The following KPNA1 variants were observed in gnomAD, a reference collection of about 807,000 sequenced individuals.
KPNA1 encodes importin subunit alpha-5.
Under a neutral mutation model 70.5 loss-of-function variants are expected in KPNA1, and 10 were observed. The observed-to-expected ratio is 0.14, with a 90% confidence interval of 0.09 to 0.24. The LOEUF is 0.24. Among genes scored for constraint, KPNA1 ranks in the 10% least tolerant of loss-of-function variants. The pLI is 1.00. For synonymous variants in KPNA1, 192 were observed against 221.9 expected (o/e 0.87, Z 1.20); for missense variants, 397 against 637.9 (o/e 0.62, Z 4.07).
chr3:122,484,275 C>A (rs1428094907), intron 2 of KPNA1, among the ~76,000 whole-genome samples: 1 of 152,180 alleles, frequency 6.6e-6, no homozygotes, highest in Non-Finnish European at 1.5e-5. Flanking sequence ...TTACAATACA[C>A]AGCTTTTTAG....
intron 2 of KPNA1, among the ~76,000 whole-genome samples, chr3:122,473,999 T>C (rs6790051): frequency 0.14 from 21,204 of 152,116 alleles, 1,583 homozygotes; most frequent in East Asian, 0.32. Context: ...TAAGCAATTA[T>C]AGCAAGGTTA....
intron 12 of KPNA1, among the ~76,000 whole-genome samples, chr3:122,431,083 C>T (rs1480708410): frequency 1.3e-5 from 2 of 152,150 alleles, no homozygotes; most frequent in Non-Finnish European, 2.9e-5. Context: ...TAATCCTTAT[C>T]CTTCATTAAG....
chr3:122,498,443 T>C (rs1219295110), intron 1 of KPNA1, among the ~76,000 whole-genome samples: 1 of 152,222 alleles, frequency 6.6e-6, no homozygotes, highest in Admixed American at 6.5e-5. Context: ...CTTCCCAGCA[T>C]CCAGAACTGT....
At chr3:122,437,040 A>G in intron 11 of KPNA1, 130 bp downstream of exon 11, 1 of 845,618 alleles carries the variant, frequency 1.2e-6, no homozygotes. Context: ...TCAGCCTCCC[A>G]GAGTGCTGGG....
chr3:122,460,265 T>C (rs1025844360), intron 5 of KPNA1: 1 of 984,780 alleles, frequency 1.0e-6, no homozygotes, highest in Non-Finnish European at 1.2e-6. Flanking sequence ...CCCAACTTTA[T>C]CCAGGGGGAA....
At chr3:122,492,940 C>T (rs1348273215) in intron 2 of KPNA1, among the ~76,000 whole-genome samples, 1 of 152,162 alleles carries the variant, frequency 6.6e-6, no homozygotes, top group East Asian at 1.9e-4. Flanking sequence ...TATACATATG[C>T]TTTATCTTGT....
intron 2 of KPNA1, among the ~76,000 whole-genome samples, chr3:122,476,866 A>AAAAAAAAAAAAAAAAAAAAC: frequency 6.7e-6 from 1 of 148,412 alleles, no homozygotes; most frequent in Non-Finnish European, 1.5e-5. Flanking sequence ...TTCCACAAAA[A>AAAAAAAAAAAAAAAAAAAAC]AAAAAAAAAA....
Position 122,449,618 on chromosome 3 carries a change from C to T in KPNA1, c.873G>A (p.Ala291=), listed in dbSNP as rs75790575. The part of the protein sequence containing the change: ...LSDGPNDKIQ[A]VIDAGVCRRL... Reference sequence around the variant, plus strand: ...TCCTACATACTCCCGCATCGATGACCGCTTGAATTTTATCATTGGGTCCAT... The same window carrying T: ...TCCTACATACTCCCGCATCGATGACTGCTTGAATTTTATCATTGGGTCCAT... The change falls in exon 9 of 14, where the codon GCG becomes GCA. Residue 291 remains alanine (A), a synonymous_variant. Coordinates refer to ENST00000344337, the MANE Select transcript of KPNA1 (RefSeq NM_002264.4). 21 of 1,613,756 alleles carry T rather than the reference C, an allele frequency of 1.3e-5. No homozygotes were observed. Among genetic ancestry groups the T allele is most frequent in the Middle Eastern group, 1.6e-4 (1 of 6,084 alleles).
chr3:122,453,992 C>A lies in KPNA1; in HGVS notation c.442G>T (p.Ala148Ser). ...KENCTLQFES[A>S]WVLTNIASGN... is the part of the protein sequence containing the mutation. ...GAAGCAATATTTGTCAGTACCCAAG[C>A]TGATTCAAACTATAAAGATAAAAAT... The change falls in exon 6 of 14, where the codon GCT becomes TCT. Residue 148 changes from alanine (A) to serine (S), a missense_variant. By Grantham distance (99) the Ala-to-Ser change is moderately conservative. Transcript: ENST00000344337. 6.3e-7 allele frequency: 1 copy of A among 1,593,342 alleles called. No individual in the cohort carries two copies. The highest frequency in any genetic ancestry group is 8.6e-7 in the Non-Finnish European group (1 of 1,168,522).
chr3:122,484,457 G>C (rs959034105), intron 2 of KPNA1, among the ~76,000 whole-genome samples: 4 of 152,062 alleles, frequency 2.6e-5, no homozygotes, highest in African/African-American at 9.7e-5. Flanking sequence ...GACCAGCCTG[G>C]CCAATATGGT....
intron 5 of KPNA1, among the ~76,000 whole-genome samples, chr3:122,457,394 GAA>G (rs34857537): frequency 8.5e-6 from 1 of 118,004 alleles, no homozygotes; most frequent in African/African-American, 2.9e-5. Flanking sequence ...ATTAACCTGG[GAA>G]AAAAAAAAAT....
chr3:122,472,593 T>C (rs758866317), intron 2 of KPNA1, among the ~76,000 whole-genome samples: 6 of 152,050 alleles, frequency 3.9e-5, no homozygotes, highest in Non-Finnish European at 8.8e-5. Context: ...CAGATATCAA[T>C]GTAACTGAAA....
At chr3:122,438,367 T>C (rs1320284751) in intron 10 of KPNA1, among the ~76,000 whole-genome samples, 4 of 151,210 alleles carry the variant, frequency 2.6e-5, no homozygotes, top group African/African-American at 4.9e-5. Flanking sequence ...TATAAACTAC[T>C]CAGTCTTCGG....
intron 2 of KPNA1, among the ~76,000 whole-genome samples, chr3:122,488,970 C>T (rs1338595453): frequency 2.0e-5 from 3 of 151,826 alleles, no homozygotes; most frequent in Non-Finnish European, 4.4e-5. Flanking sequence ...TTCTCTTCCA[C>T]CCTCTCTTTT....
At chr3:122,494,395 TC>T (rs1348466989) in intron 2 of KPNA1, among the ~76,000 whole-genome samples, 1 of 152,216 alleles carries the variant, frequency 6.6e-6, no homozygotes, top group African/African-American at 2.4e-5. Flanking sequence ...GGGTATCCTT[TC>T]CCCAGTATAT....
intron 1 of KPNA1, among the ~76,000 whole-genome samples, chr3:122,503,463 T>G (rs923741131): frequency 1.3e-5 from 2 of 152,216 alleles, no homozygotes; most frequent in Non-Finnish European, 2.9e-5. Flanking sequence ...TTTATTAAAG[T>G]GTCATAGGCA....
chr3:122,496,319 A>AAACACAC (rs1553706679), intron 2 of KPNA1, 118 bp downstream of exon 2: 1 of 422,546 alleles, frequency 2.4e-6, no homozygotes, highest in Non-Finnish European at 4.2e-6. Context: ...AGAAGGGGAA[A>AAACACAC]ACACACACAC....
intron 2 of KPNA1, among the ~76,000 whole-genome samples, chr3:122,487,560 G>T (rs1473446471): frequency 1.3e-5 from 2 of 152,140 alleles, no homozygotes; most frequent in Admixed American, 1.3e-4. Flanking sequence ...ACATACAATG[G>T]AATATTATTC....
chr3:122,471,067 A>C (rs1576318300), intron 2 of KPNA1, among the ~76,000 whole-genome samples: 1 of 152,248 alleles, frequency 6.6e-6, no homozygotes, highest in East Asian at 1.9e-4. Context: ...TTAATTTCCT[A>C]GTACCTGCAA....
Sources: gnomAD v4.1 joint callset for allele counts (sites outside exome capture counted in the v4.1 genomes callset) on GRCh38, gnomAD v4.1.1 for gene constraint, MANE v1.5 for transcripts, NCBI Gene and HGNC (gene_info 2026-07-23, HGNC 2026-07-21) for gene names.